Variants in GMDS observed in about 807,000 individuals in gnomAD.
GMDS encodes GDP-mannose 4,6 dehydratase.
GMDS carries 20 observed loss-of-function variants against 49.9 expected under a neutral mutation model. The ratio of observed to expected loss-of-function variants is 0.40; its 90% confidence interval spans 0.28 to 0.58. The LOEUF is 0.58. Ranked by LOEUF, GMDS falls within the 20% of genes least tolerant of loss-of-function variation. The pLI is 0.42. For missense variants in GMDS, 362 were observed against 481.4 expected, an observed-to-expected ratio of 0.75 and a Z score of 2.32; for synonymous variants, 177 against 178.6, an observed-to-expected ratio of 0.99 and a Z score of 0.07.
At chr6:2,228,588 CT>C (rs1349788958) in intron 1 of GMDS, among the ~76,000 whole-genome samples, 1 of 152,196 alleles carries the variant, frequency 6.6e-6, no homozygotes, top group Non-Finnish European at 1.5e-5. Context: ...AAAGTGTGTG[CT>C]TTAACAAATC....
intron 1 of GMDS, among the ~76,000 whole-genome samples, chr6:2,216,523 A>G (rs916624808): frequency 6.6e-6 from 1 of 152,192 alleles, no homozygotes; most frequent in African/African-American, 2.4e-5. Context: ...GCACATGGGT[A>G]AACTGCACTC....
intron 9 of GMDS, among the ~76,000 whole-genome samples, chr6:1,668,847 A>G (rs1458216080): frequency 6.6e-6 from 1 of 152,258 alleles, no homozygotes; most frequent in East Asian, 1.9e-4. Flanking sequence ...GTAAAGATGT[A>G]TAACTAGACA....
chr6:1,842,607 T>C (rs1215590363), intron 7 of GMDS, among the ~76,000 whole-genome samples: 2 of 152,232 alleles, frequency 1.3e-5, no homozygotes, highest in Non-Finnish European at 2.9e-5. Flanking sequence ...GATGACTCTG[T>C]ATTAGCCAAC....
chr6:2,176,487 A>G (rs1312967225), intron 1 of GMDS, among the ~76,000 whole-genome samples: 1 of 152,110 alleles, frequency 6.6e-6, no homozygotes, highest in East Asian at 1.9e-4. Flanking sequence ...TGTCTGGTAA[A>G]CCAACTTAAC....
chr6:2,062,415 T>A (rs1365128869), intron 4 of GMDS, among the ~76,000 whole-genome samples: 1 of 152,142 alleles, frequency 6.6e-6, no homozygotes, highest in East Asian at 1.9e-4. Flanking sequence ...CTGTGCCTTG[T>A]GACAAAAACT....
At chr6:2,092,990 C>T (rs1773408363) in intron 4 of GMDS, among the ~76,000 whole-genome samples, 1 of 152,050 alleles carries the variant, frequency 6.6e-6, no homozygotes, top group South Asian at 2.1e-4. Flanking sequence ...ATTACAAATC[C>T]ATAAAACAAA....
At chr6:1,674,437 G>A (rs908754117) in intron 9 of GMDS, among the ~76,000 whole-genome samples, 3 of 151,662 alleles carry the variant, frequency 2.0e-5, no homozygotes, top group Non-Finnish European at 4.4e-5. Flanking sequence ...TATGTGTATT[G>A]CAAAGCTTCT....
intron 7 of GMDS, among the ~76,000 whole-genome samples, chr6:1,912,177 C>A (rs1044996536): frequency 8.6e-5 from 13 of 151,952 alleles, no homozygotes; most frequent in African/African-American, 3.1e-4. Context: ...ACCAGCCTGG[C>A]CAAAACAGTG....
In GMDS at chr6:1,695,907, GTTT is replaced by G. The variant is rs11366742; in HGVS notation, c.987+30506_987+30508del. On this transcript the variant is annotated intron_variant, in intron 9 of 10. Coordinates refer to ENST00000380815, the MANE Select transcript of GMDS (RefSeq NM_001500.4). ...AATCACAACATTCTTTTCTGTCTTGGTTTTTTTTTTTTTTTCTTTTTTTTTTTT... is the reference window on the plus strand; with the variant it reads ...AATCACAACATTCTTTTCTGTCTTGGTTTTTTTTTTTTCTTTTTTTTTTTT... 1.9e-3 allele frequency among the ~76,000 whole-genome samples: 232 copies of G among 124,408 alleles called. 2 individuals carry two copies. Among genetic ancestry groups the G allele is most frequent in the African/African-American group, 6.9e-3 (225 of 32,600 alleles). 81.6% of individuals were successfully genotyped at this position (124,408 alleles called of 152,430 possible).
At chr6:2,076,555 A>C (rs1486545835) in intron 4 of GMDS, among the ~76,000 whole-genome samples, 2 of 152,212 alleles carry the variant, frequency 1.3e-5, no homozygotes, top group African/African-American at 4.8e-5. Flanking sequence ...ACTGGTACCA[A>C]AACAGAGATA....
At chr6:1,770,246 G>C (rs1768526224) in intron 7 of GMDS, among the ~76,000 whole-genome samples, 1 of 152,144 alleles carries the variant, frequency 6.6e-6, no homozygotes, top group African/African-American at 2.4e-5. Context: ...CCTACGACTT[G>C]AGGAAATTCA....
chr6:2,099,049 G>C (rs1263023449), intron 4 of GMDS, among the ~76,000 whole-genome samples: 1 of 152,000 alleles, frequency 6.6e-6, no homozygotes, highest in African/African-American at 2.4e-5. Context: ...CTACAATACT[G>C]TCGCTTATAA....
At chr6:2,183,994 T>G (rs1778668564) in intron 1 of GMDS, among the ~76,000 whole-genome samples, 1 of 152,230 alleles carries the variant, frequency 6.6e-6, no homozygotes, top group African/African-American at 2.4e-5. Flanking sequence ...AACTTATATA[T>G]GCATAAGTTA....
intron 9 of GMDS, among the ~76,000 whole-genome samples, chr6:1,714,582 T>C (rs1040254956): frequency 3.9e-5 from 6 of 152,188 alleles, no homozygotes; most frequent in Non-Finnish European, 5.9e-5. Context: ...GAGAAACGCG[T>C]GTCATGGGGA....
intron 1 of GMDS, among the ~76,000 whole-genome samples, chr6:2,222,479 G>A (rs1056650705): frequency 1.3e-5 from 2 of 152,124 alleles, no homozygotes; most frequent in African/African-American, 4.8e-5. Flanking sequence ...TACTCATCAG[G>A]TGCTTAAGCA....
chr6:2,151,609 T>G (rs1327416222), intron 1 of GMDS, among the ~76,000 whole-genome samples: 1 of 152,074 alleles, frequency 6.6e-6, no homozygotes, highest in East Asian at 1.9e-4. Flanking sequence ...ATCTTCAGTA[T>G]TATCACCAGT....
At chr6:1,827,797 A>G (rs1378899427) in intron 7 of GMDS, among the ~76,000 whole-genome samples, 1 of 152,210 alleles carries the variant, frequency 6.6e-6, no homozygotes, top group Non-Finnish European at 1.5e-5. Context: ...TACAACAGTT[A>G]GAAAACCCAC....
intron 4 of GMDS, among the ~76,000 whole-genome samples, chr6:2,114,727 G>C (rs184473328): frequency 2.0e-5 from 3 of 152,292 alleles, no homozygotes; most frequent in Admixed American, 6.5e-5. Context: ...AATGAAGACT[G>C]GCAATCAGTT....
At chr6:2,013,587 A>C (rs1767695839) in intron 4 of GMDS, among the ~76,000 whole-genome samples, 1 of 152,136 alleles carries the variant, frequency 6.6e-6, no homozygotes, top group Non-Finnish European at 1.5e-5. Flanking sequence ...GATATGCGTA[A>C]TGCAAGAAAA....
Sources: gnomAD v4.1 joint callset for allele counts (sites outside exome capture counted in the v4.1 genomes callset) on GRCh38, gnomAD v4.1.1 for gene constraint, MANE v1.5 for transcripts, NCBI Gene and HGNC (gene_info 2026-07-23, HGNC 2026-07-21) for gene names.